EPHB2: variants seen among roughly 807,000 people sequenced by gnomAD.
The protein encoded by EPHB2 is ephrin type-B receptor 2.
EPHB2 carries 18 observed loss-of-function variants against 96.4 expected under a neutral mutation model. That is an observed-to-expected ratio of 0.19 (90% CI 0.13 to 0.28). The LOEUF is 0.28. EPHB2 is among the 10% of genes least tolerant of loss of function. The pLI is 1.00. For synonymous variants in EPHB2, 506 were observed against 534.1 expected (o/e 0.95, Z 0.72); for missense variants, 989 against 1,355.4 (o/e 0.73, Z 4.25).
chr1:22,911,538 A>G (rs1265833797), intron 14 of EPHB2, among the ~76,000 whole-genome samples: 1 of 152,088 alleles, frequency 6.6e-6, no homozygotes. Flanking sequence ...TCACTTGGGG[A>G]CCTGGTGCCT....
At chr1:22,760,413 T>C (rs902290859) in intron 1 of EPHB2, among the ~76,000 whole-genome samples, 8 of 152,144 alleles carry the variant, frequency 5.3e-5, no homozygotes, top group African/African-American at 1.9e-4. Flanking sequence ...GACAACTCTG[T>C]CCCCTGTCTG....
Position 22,908,017 on chromosome 1 carries a change from T to C in EPHB2, c.2201T>C (p.Met734Thr). Residue 734 changes from methionine (M) to threonine (T), a missense_variant, in exon 12 of 16, where the codon ATG (methionine) becomes ACG (threonine). Transcript: ENST00000374630. ...ATGCTTCGGGGCATCGCAGCTGGCA[T>C]GAAGTACCTGGCAGACATGAACTAT... ...VGMLRGIAAGMKYLADMNYVH... is the reference protein window; with the variant it reads ...VGMLRGIAAGTKYLADMNYVH... The C allele has an allele frequency of 6.2e-7, 1 of 1,614,242 alleles. No individual in the cohort carries two copies. Among genetic ancestry groups the C allele is most frequent in the South Asian group, 1.1e-5 (1 of 91,086 alleles).
chr1:22,866,896 T>C lies in EPHB2; in HGVS notation c.1303+1684T>C, dbSNP rs547929001. The stretch of plus-strand genomic sequence containing the variant: ...TTGCAGTGAGCCGAGATCATGCCAT[T>C]GCACTCCAGCCTGGGTGACAAGAGC... On this transcript the variant is annotated intron_variant, in intron 5 of 15. Transcript: ENST00000374630. 4.6e-5 allele frequency among the ~76,000 whole-genome samples: 7 copies of C among 152,270 alleles called. No individual in the cohort carries two copies. The South Asian group carries it at 1.5e-3, about 32-fold the overall frequency.
intron 5 of EPHB2, among the ~76,000 whole-genome samples, chr1:22,867,503 G>A (rs767385266): frequency 6.6e-6 from 1 of 152,040 alleles, no homozygotes; most frequent in Non-Finnish European, 1.5e-5. Flanking sequence ...GTTCTTTTGG[G>A]GCCCTGGGTG....
At chr1:22,738,068 G>A (rs1348305260) in intron 1 of EPHB2, among the ~76,000 whole-genome samples, 1 of 152,000 alleles carries the variant, frequency 6.6e-6, no homozygotes, top group Non-Finnish European at 1.5e-5. Flanking sequence ...ACCATTTAAA[G>A]ATAAAAAAAA....
At chr1:22,730,512 G>A (rs1226571537) in intron 1 of EPHB2, among the ~76,000 whole-genome samples, 1 of 152,190 alleles carries the variant, frequency 6.6e-6, no homozygotes, top group Non-Finnish European at 1.5e-5. Flanking sequence ...CTTAAGTAGG[G>A]ATGGTGCTAA....
At chr1:22,713,042 C>T (rs1428982584) in intron 1 of EPHB2, among the ~76,000 whole-genome samples, 1 of 152,094 alleles carries the variant, frequency 6.6e-6, no homozygotes, top group East Asian at 1.9e-4. Flanking sequence ...CTGTGGCCAG[C>T]CTGGACCCTG....
At position 22,733,555 on chromosome 1, in the gene EPHB2, A is replaced by G. The variant is rs74060653; in HGVS notation, c.61+22512A>G. On this transcript the variant is annotated intron_variant, in intron 1 of 15. Coordinates refer to ENST00000374630, the MANE Select transcript of EPHB2 (RefSeq NM_017449.5). This position sits in a 1 kb window ranked among gnomAD's most constrained non-coding sequence, Gnocchi z 4.6. ...TTTTGCACGGTGGAAATCAGCATAT[A>G]CCATGGCCTTATTATGTGCCATGTT... Among the ~76,000 whole-genome samples, 3,235 of 152,320 alleles carry G rather than the reference A, an allele frequency of 0.021. 115 individuals are homozygous for G. The highest frequency in any genetic ancestry group is 0.073 in the African/African-American group (3,042 of 41,554).
At position 22,860,340 on chromosome 1, in the gene EPHB2, G is replaced by A. The variant is rs1469853790; in HGVS notation, c.812-2697G>A. 6.6e-6 allele frequency among the ~76,000 whole-genome samples: 1 copy of A among 152,100 alleles called. No individual in the cohort carries two copies. Among genetic ancestry groups the A allele is most frequent in the Non-Finnish European group, 1.5e-5 (1 of 68,018 alleles). Reference sequence around the variant, plus strand: ...GACCTAGTAATTGATTGGCTGTGGGGGGACAGGGTGGAGAGTGATGCCACT... The same window carrying A: ...GACCTAGTAATTGATTGGCTGTGGGAGGACAGGGTGGAGAGTGATGCCACT... On this transcript the variant is annotated intron_variant, in intron 3 of 15. Transcript: ENST00000374630. This position sits in a 1 kb window ranked among gnomAD's most constrained non-coding sequence, Gnocchi z 4.6.
intron 1 of EPHB2, among the ~76,000 whole-genome samples, chr1:22,764,025 A>T (rs6672700): frequency 0.099 from 15,121 of 152,192 alleles, 1,331 homozygotes; most frequent in East Asian, 0.48. Flanking sequence ...AATCCAGGAT[A>T]ATCCCCACAT....
intron 1 of EPHB2, among the ~76,000 whole-genome samples, chr1:22,713,291 T>C (rs559920885): frequency 6.6e-6 from 1 of 152,100 alleles, no homozygotes; most frequent in South Asian, 2.1e-4. Context: ...GAGGTGGAGG[T>C]CAGAGGGCCT....
intron 1 of EPHB2, among the ~76,000 whole-genome samples, chr1:22,725,201 G>A (rs540022810): frequency 2.6e-4 from 39 of 152,298 alleles, no homozygotes; most frequent in African/African-American, 7.5e-4. Context: ...CAGCTCAGCT[G>A]TTGGATGAGT....
At position 22,906,220 on chromosome 1, in the gene EPHB2, G is replaced by T; in HGVS notation, c.1888+111G>T. On this transcript the variant is annotated intron_variant, in intron 10 of 15. Coordinates refer to ENST00000374630, the MANE Select transcript of EPHB2 (RefSeq NM_017449.5). The surrounding 1 kb of genome is among the most constrained non-coding windows in gnomAD (Gnocchi z 4.8). ...AGGATGTGGGACAGGCGCCTCAAAG[G>T]ACCCCCCAAGGCCTGAAGGTTCAGA... The T allele has an allele frequency of 6.5e-7, 1 of 1,529,084 alleles. No homozygotes were observed. The highest frequency in any genetic ancestry group is 1.2e-5 in the South Asian group (1 of 85,968). The allele number at this position is 1,529,084 out of a possible 1,614,324, so 94.7% of individuals were successfully genotyped here. A position where few individuals can be genotyped will look rare whatever the true frequency, so the allele number is the denominator to read the frequency against.
chr1:22,756,667 C>T (rs1262377796), intron 1 of EPHB2, among the ~76,000 whole-genome samples: 2 of 152,070 alleles, frequency 1.3e-5, no homozygotes, highest in Non-Finnish European at 2.9e-5. Context: ...CCTGCGCTGA[C>T]CCCATTTCCA....
intron 1 of EPHB2, among the ~76,000 whole-genome samples, chr1:22,777,092 C>T (rs1359715233): frequency 6.6e-6 from 1 of 152,148 alleles, no homozygotes; most frequent in Non-Finnish European, 1.5e-5. Flanking sequence ...AGGAGGTGAC[C>T]TGAGTCGAGA....
chr1:22,764,500 C>A (rs951286590), intron 1 of EPHB2, among the ~76,000 whole-genome samples: 9 of 152,238 alleles, frequency 5.9e-5, no homozygotes, highest in African/African-American at 1.9e-4. Context: ...AATCCCAGCA[C>A]TTTGGGAGGC....
In EPHB2 at chr1:22,858,482, C is replaced by G. The variant is rs1271541226; in HGVS notation, c.812-4555C>G. ...TTATTCCATGCAGGGATCATCAGCC[C>G]CCTTTCCAGATGAGGAGACTGAGTT... On this transcript the variant is annotated intron_variant, in intron 3 of 15. Transcript: ENST00000374630. The surrounding 1 kb of genome is among the most constrained non-coding windows in gnomAD (Gnocchi z 7.7). Among the ~76,000 whole-genome samples, 1 of 152,158 alleles carries G rather than the reference C, an allele frequency of 6.6e-6. No homozygotes were observed. The highest frequency in any genetic ancestry group is 1.5e-5 in the Non-Finnish European group (1 of 68,030).
intron 7 of EPHB2, among the ~76,000 whole-genome samples, chr1:22,893,464 A>G (rs1639455840): frequency 6.6e-6 from 1 of 152,220 alleles, no homozygotes; most frequent in Non-Finnish European, 1.5e-5. Context: ...TTCAGCAGGA[A>G]GAAGTTCTGG....
chr1:22,735,786 G>C (rs1248276775), intron 1 of EPHB2, among the ~76,000 whole-genome samples: 1 of 152,170 alleles, frequency 6.6e-6, no homozygotes. Context: ...ATTCCTATAG[G>C]GCACTTGGGA....
Sources: gnomAD v4.1 joint callset for allele counts (sites outside exome capture counted in the v4.1 genomes callset) on GRCh38, gnomAD v4.1.1 for gene constraint, Gnocchi (gnomAD v3.1) non-coding constraint, MANE v1.5 for transcripts, NCBI Gene and HGNC (gene_info 2026-07-23, HGNC 2026-07-21) for gene names.